The following FDFT1 variants were observed in gnomAD, a reference collection of about 807,000 sequenced individuals.
FDFT1 encodes farnesyl-diphosphate farnesyltransferase 1, also known as squalene synthase.
A neutral mutation model predicts 46.8 loss-of-function variants in FDFT1; 68 were observed. The observed-to-expected ratio is 1.45, with a 90% CI of 1.19 to 1.78. The LOEUF (loss-of-function observed/expected upper bound fraction) is 1.78. Ranked by LOEUF, FDFT1 falls within the 40% of genes most tolerant of loss-of-function variation. The pLI is 0.00. For synonymous variants in FDFT1, 351 were observed against 185.1 expected, an observed-to-expected ratio of 1.90 and a Z score of -7.28; for missense variants, 928 against 524.4, an observed-to-expected ratio of 1.77 and a Z score of -7.52.
chr8:11,822,398 C>G (rs1337819093), intron 4 of FDFT1, among the ~76,000 whole-genome samples: 2 of 152,120 alleles, frequency 1.3e-5, no homozygotes, highest in Non-Finnish European at 2.9e-5. Flanking sequence ...TAGTGTAGGT[C>G]CAAGGTCTTG....
At chr8:11,809,031 C>G in intron 2 of FDFT1, 140 bp downstream of exon 2, 1 of 1,377,746 alleles carries the variant, frequency 7.3e-7, no homozygotes. Context: ...CCCGGCCCTA[C>G]GTGTTTACTT....
chr8:11,803,500 G>A (rs1806413927), intron 1 of FDFT1: 2 of 1,226,420 alleles, frequency 1.6e-6, no homozygotes, highest in Non-Finnish European at 2.1e-6. Flanking sequence ...CTATGGATTA[G>A]CTAGGTGGTT....
intron 5 of FDFT1, 92 bp from the exon 6 acceptor site, chr8:11,830,152 A>G (rs187054273): frequency 7.4e-6 from 8 of 1,078,080 alleles, no homozygotes; most frequent in Non-Finnish European, 1.1e-5. Flanking sequence ...AGCCTGTATC[A>G]TAGTTCTTAT....
intron 3 of FDFT1, among the ~76,000 whole-genome samples, chr8:11,818,514 C>A (rs150268093): frequency 2.0e-5 from 3 of 152,188 alleles, no homozygotes; most frequent in Non-Finnish European, 4.4e-5. Context: ...TTCTAGGTCT[C>A]TAAGGACTTG....
chr8:11,826,467 T>G (rs1810012011), intron 5 of FDFT1, among the ~76,000 whole-genome samples: 1 of 152,130 alleles, frequency 6.6e-6, no homozygotes, highest in Admixed American at 6.6e-5. Flanking sequence ...TTTCTCCAAG[T>G]GGTGGATATG....
chr8:11,808,228 T>C, intron 1 of FDFT1: 1 of 1,180,168 alleles, frequency 8.5e-7, no homozygotes, highest in Non-Finnish European at 1.0e-6. Flanking sequence ...GGAGCCCGAG[T>C]AGAGTTTGGT....
intron 5 of FDFT1, among the ~76,000 whole-genome samples, chr8:11,828,638 C>T (rs1418007835): frequency 1.3e-5 from 2 of 152,262 alleles, no homozygotes; most frequent in South Asian, 2.1e-4. Flanking sequence ...TTCTCATTCA[C>T]TTACTTTATC....
intron 3 of FDFT1, among the ~76,000 whole-genome samples, chr8:11,817,919 C>CT (rs2130787793): frequency 6.6e-6 from 1 of 151,632 alleles, no homozygotes; most frequent in African/African-American, 2.4e-5. Context: ...AATTTGTTTG[C>CT]TCTTGCTTTT....
chr8:11,822,712 G>A (rs990583522), intron 4 of FDFT1, among the ~76,000 whole-genome samples: 1 of 152,128 alleles, frequency 6.6e-6, no homozygotes, highest in African/African-American at 2.4e-5. Flanking sequence ...TACTCTGGAG[G>A]CTGAGGTGTG....
intron 3 of FDFT1, among the ~76,000 whole-genome samples, chr8:11,821,451 C>G (rs548818380): frequency 6.6e-6 from 1 of 152,102 alleles, no homozygotes; most frequent in African/African-American, 2.4e-5. Flanking sequence ...ATTAGCTGGG[C>G]GTGGTGGTGC....
chr8:11,838,846 C>T lies in FDFT1; in HGVS notation c.*237C>T, dbSNP rs559995404. On this transcript the variant is annotated 3_prime_UTR_variant, in exon 8 of 8. Transcript: ENST00000220584. ...GTGATGATCACTGTGCTGCTTGTGG[C>T]TCATGGCAGAGCATTCAGTGCCACG... 5.7e-6 allele frequency: 3 copies of T among 525,602 alleles called. No homozygotes were observed. In the Admixed American group the frequency reaches 1.0e-4, roughly 18 times the overall value. The allele number at this position is 525,602 out of a possible 1,614,324, so 32.6% of individuals were successfully genotyped here. A position where few individuals can be genotyped will look rare whatever the true frequency, so the allele number is the denominator to read the frequency against.
In FDFT1 at chr8:11,831,577, A is replaced by C. The variant is rs770701930; in HGVS notation, c.939A>C (p.Ala313=). 2.5e-6 allele frequency: 4 copies of C among 1,614,118 alleles called. No homozygotes were observed. The Admixed American group carries it at 6.7e-5, about 27-fold the overall frequency. The change falls in exon 7 of 8, where the codon GCA becomes GCC. Residue 313 remains alanine (A), a synonymous_variant. Coordinates refer to ENST00000220584, the MANE Select transcript of FDFT1 (RefSeq NM_004462.5). The part of the protein sequence containing the change: ...CYNNQQVFKG[A]VKIRKGQAVT... ...ATAACCAGCAGGTGTTCAAAGGGGCAGTGAAGATTCGGAAAGGGCAAGCAG... is the reference window on the plus strand; with the variant it reads ...ATAACCAGCAGGTGTTCAAAGGGGCCGTGAAGATTCGGAAAGGGCAAGCAG...
At chr8:11,820,295 A>T (rs532567228) in intron 3 of FDFT1, among the ~76,000 whole-genome samples, 5 of 152,160 alleles carry the variant, frequency 3.3e-5, no homozygotes, top group Non-Finnish European at 7.4e-5. Context: ...GTCAGGCTAC[A>T]TGGGGCTCAG....
At chr8:11,808,945 T>G (rs1807310259) in intron 2 of FDFT1, 54 bp downstream of exon 2, 1 of 1,580,920 alleles carries the variant, frequency 6.3e-7, no homozygotes, top group Non-Finnish European at 8.6e-7. Flanking sequence ...CCGGGACCTT[T>G]GAGTGTGTTG....
chr8:11,832,592 A>G (rs959375049), intron 7 of FDFT1, among the ~76,000 whole-genome samples: 1 of 146,810 alleles, frequency 6.8e-6, no homozygotes, highest in Admixed American at 6.9e-5. Flanking sequence ...AGAGACCAGA[A>G]GTCTTTGTAA....
chr8:11,832,667 C>G (rs936765841), intron 7 of FDFT1, among the ~76,000 whole-genome samples: 2 of 151,668 alleles, frequency 1.3e-5, no homozygotes, highest in East Asian at 1.9e-4. Context: ...TCCCCTCCCC[C>G]CAGAGGACAT....
In FDFT1 at chr8:11,802,747, C is replaced by T. The variant is rs1806288373; in HGVS notation, c.-86C>T. The T allele has an allele frequency of 9.6e-7, 1 of 1,045,018 alleles. No individual in the cohort carries two copies. The highest frequency in any genetic ancestry group is 2.6e-5 in the East Asian group (1 of 38,906). 64.7% of individuals were successfully genotyped at this position (1,045,018 alleles called of 1,614,324 possible). A position where few individuals can be genotyped will look rare whatever the true frequency, so the allele number is the denominator to read the frequency against. On this transcript the variant is annotated 5_prime_UTR_variant, in exon 1 of 8. Transcript: ENST00000220584. ...CCTGTCCGGCCAGCCCCTCGAAGCA[C>T]CTACTCCACAGGTCCAGCCGGCCGG... is the stretch of plus-strand genomic sequence containing the variant.
intron 5 of FDFT1, among the ~76,000 whole-genome samples, chr8:11,826,879 G>C (rs1341201362): frequency 1.3e-5 from 2 of 152,162 alleles, no homozygotes; most frequent in East Asian, 3.9e-4. Flanking sequence ...CTACACAGCT[G>C]AGTTCTCTGG....
chr8:11,811,357 C>T (rs1189197401), intron 3 of FDFT1, among the ~76,000 whole-genome samples: 6 of 152,270 alleles, frequency 3.9e-5, no homozygotes, highest in Non-Finnish European at 8.8e-5. Flanking sequence ...CTGGACCTAG[C>T]CTCTAGAAAC....
Sources: allele counts gnomAD v4.1 joint callset (sites outside exome capture counted in the v4.1 genomes callset), GRCh38; gene constraint gnomAD v4.1.1; transcripts MANE v1.5; gene names NCBI Gene and HGNC (gene_info 2026-07-23, HGNC 2026-07-21).